The following CD8B2 variants were observed in gnomAD, a reference collection of about 807,000 sequenced individuals.
The protein encoded by CD8B2 is T-cell surface glycoprotein CD8 beta-2 chain.
In CD8B2, 11 loss-of-function variants were observed where a neutral mutation model predicts 23.7. That is an observed-to-expected ratio of 0.46 (90% confidence interval 0.29 to 0.77). The LOEUF is 0.77. Among genes scored for constraint, CD8B2 ranks in the 30% least tolerant of loss-of-function variants. The pLI is 0.09. For missense variants in CD8B2, 197 were observed against 270.5 expected (o/e 0.73, Z 1.91); for synonymous variants, 90 against 109.3 (o/e 0.82, Z 1.10).
intron 5 of CD8B2, among the ~76,000 whole-genome samples, chr2:106,540,844 C>G (rs1025350289): frequency 2.0e-5 from 3 of 152,160 alleles, no homozygotes; most frequent in Non-Finnish European, 4.4e-5. Context: ...ATTACAGGCG[C>G]AAGCCACTGT....
chr2:106,530,027 G>T (rs952393969), intron 5 of CD8B2, among the ~76,000 whole-genome samples: 7 of 152,212 alleles, frequency 4.6e-5, no homozygotes, highest in African/African-American at 1.7e-4. Flanking sequence ...AGTTTCACCC[G>T]CTGAGAAAGT....
At chr2:106,496,075 G>A in intron 2 of CD8B2, 98 bp from the exon 3 acceptor site, 1 of 1,542,618 alleles carries the variant, frequency 6.5e-7, no homozygotes, top group South Asian at 1.2e-5. Flanking sequence ...TGGGATTCCA[G>A]GCATGAGCCA....
At chr2:106,531,987 G>A (rs978383615) in intron 5 of CD8B2, among the ~76,000 whole-genome samples, 1 of 152,142 alleles carries the variant, frequency 6.6e-6, no homozygotes, top group Admixed American at 6.5e-5. Context: ...GTCTGCATCC[G>A]CCATCCCAGC....
intron 5 of CD8B2, among the ~76,000 whole-genome samples, chr2:106,528,953 C>T (rs1221585816): frequency 3.3e-5 from 5 of 152,138 alleles, no homozygotes; most frequent in African/African-American, 1.2e-4. Flanking sequence ...CCCGTTTTCT[C>T]GACGAGTTTC....
chr2:106,520,941 G>A (rs932953950), intron 5 of CD8B2, among the ~76,000 whole-genome samples: 1 of 149,982 alleles, frequency 6.7e-6, no homozygotes, highest in Non-Finnish European at 1.5e-5. Context: ...AAGAGTGGAG[G>A]CTTAATAGGC....
In CD8B2 at chr2:106,498,806, G is replaced by A. The variant is rs534777952; in HGVS notation, c.493+2544G>A. Among the ~76,000 whole-genome samples the A allele has an allele frequency of 1.5e-3, 236 of 152,266 alleles. 1 individual carries two copies. Among genetic ancestry groups the A allele is most frequent in the Non-Finnish European group, 2.7e-3 (186 of 68,010 alleles). On this transcript the variant is annotated intron_variant, in intron 3 of 5. Transcript: ENST00000643224. ...ACCAGGCACTCAGAGCTTGTGGGGCGTCCACACAGACCTCAAAGCCTGTGA... is the reference window on the plus strand; with the variant it reads ...ACCAGGCACTCAGAGCTTGTGGGGCATCCACACAGACCTCAAAGCCTGTGA...
At chr2:106,516,399 T>C (rs894185864) in intron 5 of CD8B2, among the ~76,000 whole-genome samples, 1 of 152,206 alleles carries the variant, frequency 6.6e-6, no homozygotes, top group African/African-American at 2.4e-5. Context: ...GCTGACCCGA[T>C]ACCTTCTTTC....
chr2:106,517,857 C>A (rs970021626), intron 5 of CD8B2, among the ~76,000 whole-genome samples: 3 of 151,876 alleles, frequency 2.0e-5, no homozygotes, highest in Non-Finnish European at 4.4e-5. Flanking sequence ...GGACTACAGG[C>A]GCCCGCCACA....
chr2:106,514,501 C>A (rs1177780787), downstream of CD8B2, among the ~76,000 whole-genome samples: 2 of 151,652 alleles, frequency 1.3e-5, no homozygotes, highest in Admixed American at 1.3e-4. Flanking sequence ...GTTGGTCAGG[C>A]TGGTCTCGAA....
chr2:106,527,630 A>G (rs1158573200), intron 5 of CD8B2, among the ~76,000 whole-genome samples: 1 of 152,098 alleles, frequency 6.6e-6, no homozygotes, highest in Non-Finnish European at 1.5e-5. Flanking sequence ...TAAAAATACA[A>G]AAAAATTAGC....
At chr2:106,520,272 T>C (rs1679804071) in intron 5 of CD8B2, among the ~76,000 whole-genome samples, 1 of 152,190 alleles carries the variant, frequency 6.6e-6, no homozygotes, top group South Asian at 2.1e-4. Context: ...TTTGAAAACA[T>C]GAGGAAACAA....
intron 5 of CD8B2, among the ~76,000 whole-genome samples, chr2:106,517,546 G>A (rs915876683): frequency 4.6e-5 from 7 of 151,742 alleles, no homozygotes; most frequent in Non-Finnish European, 1.0e-4. Context: ...TCTTAATTGC[G>A]CAACATTGAG....
At chr2:106,531,877 C>T (rs1016143540) in intron 5 of CD8B2, among the ~76,000 whole-genome samples, 1 of 152,214 alleles carries the variant, frequency 6.6e-6, no homozygotes, top group Non-Finnish European at 1.5e-5. Flanking sequence ...TCCAGCCCAG[C>T]ATTCCAGTCT....
intron 3 of CD8B2, among the ~76,000 whole-genome samples, chr2:106,496,797 A>T (rs1470725117): frequency 6.6e-6 from 1 of 151,766 alleles, no homozygotes; most frequent in African/African-American, 2.4e-5. Flanking sequence ...AATGGGTATA[A>T]GGTTTCTTTT....
intron 3 of CD8B2, among the ~76,000 whole-genome samples, chr2:106,502,006 T>A (rs1679417101): frequency 6.6e-6 from 1 of 152,118 alleles, no homozygotes; most frequent in Non-Finnish European, 1.5e-5. Flanking sequence ...TTACAAAGAC[T>A]AGACGATGGC....
At chr2:106,527,852 C>T (rs574335936) in intron 5 of CD8B2, among the ~76,000 whole-genome samples, 2 of 152,222 alleles carry the variant, frequency 1.3e-5, no homozygotes, top group South Asian at 2.1e-4. Context: ...GACCCAGCCT[C>T]GCAGGGAGGA....
In CD8B2 at chr2:106,510,510, C is replaced by G. The variant is rs1679606673; in HGVS notation, c.*3570C>G. The G allele has an allele frequency of 6.6e-6, 1 of 152,174 alleles. No homozygotes were observed. Among genetic ancestry groups the G allele is most frequent in the Admixed American group, 6.5e-5 (1 of 15,276 alleles). 9.4% of individuals were successfully genotyped at this position (152,174 alleles called of 1,614,324 possible). A position where few individuals can be genotyped will look rare whatever the true frequency, so the allele number is the denominator to read the frequency against. ...TTGGGAGGCCCACACAGAATGATCACTTGAGCTCAGGAGTTTGAGAGCAGC... is the reference window on the plus strand; with the variant it reads ...TTGGGAGGCCCACACAGAATGATCAGTTGAGCTCAGGAGTTTGAGAGCAGC... On this transcript the variant is annotated 3_prime_UTR_variant, in exon 6 of 6. Coordinates refer to ENST00000643224, the MANE Select transcript of CD8B2 (RefSeq NM_001349727.2).
chr2:106,543,448 T>C (rs1436094855), intron 5 of CD8B2, among the ~76,000 whole-genome samples: 1 of 152,218 alleles, frequency 6.6e-6, no homozygotes, highest in Non-Finnish European at 1.5e-5. Flanking sequence ...GGAGGATTGC[T>C]TGAACCCGGA....
chr2:106,496,036 T>G, intron 2 of CD8B2, 137 bp from the exon 3 acceptor site: 1 of 1,426,208 alleles, frequency 7.0e-7, no homozygotes, highest in Non-Finnish European at 9.5e-7. Flanking sequence ...CGAGCTCAAA[T>G]GATCTCCTGC....
Sources: gnomAD v4.1 joint callset for allele counts (sites outside exome capture counted in the v4.1 genomes callset) on GRCh38, gnomAD v4.1.1 for gene constraint, MANE v1.5 for transcripts, NCBI Gene and HGNC (gene_info 2026-07-23, HGNC 2026-07-21) for gene names.